Variants in KCNK2 observed in about 807,000 individuals in gnomAD.
KCNK2 encodes potassium two pore domain channel subfamily K member 2.
A neutral mutation model predicts 40.5 loss-of-function variants in KCNK2; 21 were observed. The observed-to-expected ratio is 0.52, with a 90% CI of 0.37 to 0.75. The LOEUF (loss-of-function observed/expected upper bound fraction) is 0.75, where lower values mean the gene tolerates loss of function less well. KCNK2 is among the 30% of genes least tolerant of loss of function. KCNK2 has a pLI of 0.00. For synonymous variants in KCNK2, 191 were observed against 202.2 expected (o/e 0.94, Z 0.47); for missense variants, 399 against 531.6 (o/e 0.75, Z 2.45).
intron 3 of KCNK2, among the ~76,000 whole-genome samples, chr1:215,161,302 G>A (rs559916721): frequency 1.2e-4 from 19 of 152,142 alleles, no homozygotes; most frequent in South Asian, 6.2e-4. Context: ...GCTGGATTAC[G>A]TTTTGATTTT....
intron 1 of KCNK2, among the ~76,000 whole-genome samples, chr1:215,018,168 A>G (rs1436774650): frequency 6.6e-6 from 1 of 152,230 alleles, no homozygotes; most frequent in Non-Finnish European, 1.5e-5. Context: ...AAAAATCATC[A>G]GACCTCCAGT....
intron 3 of KCNK2, among the ~76,000 whole-genome samples, chr1:215,162,657 A>G (rs994791166): frequency 1.2e-4 from 18 of 152,002 alleles, no homozygotes; most frequent in African/African-American, 3.6e-4. Flanking sequence ...AGTTTTCCCA[A>G]CACCATTTAT....
At chr1:215,064,022 A>G (rs1425737987) in intron 1 of KCNK2, among the ~76,000 whole-genome samples, 1 of 152,192 alleles carries the variant, frequency 6.6e-6, no homozygotes, top group Non-Finnish European at 1.5e-5. Flanking sequence ...AAACGTAGGA[A>G]AAGTACTGTG....
chr1:215,010,274 T>TAGC (rs2102469628), intron 1 of KCNK2, among the ~76,000 whole-genome samples: 1 of 152,332 alleles, frequency 6.6e-6, no homozygotes, highest in Non-Finnish European at 1.5e-5. Context: ...TTTATATGAG[T>TAGC]AGCTATGTAT....
intron 3 of KCNK2, among the ~76,000 whole-genome samples, chr1:215,154,856 T>C (rs955873310): frequency 3.3e-5 from 5 of 152,190 alleles, no homozygotes; most frequent in African/African-American, 1.2e-4. Context: ...CCATTTCTTT[T>C]ATTGTCAGAT....
intron 1 of KCNK2, among the ~76,000 whole-genome samples, chr1:215,070,275 A>G (rs74449041): frequency 0.011 from 1,690 of 151,724 alleles, 19 homozygotes; most frequent in Non-Finnish European, 0.015. Flanking sequence ...AATTAGCCGG[A>G]TGTGGTGGCG....
intron 1 of KCNK2, among the ~76,000 whole-genome samples, chr1:215,075,358 G>A (rs1465122899): frequency 2.6e-5 from 4 of 152,086 alleles, no homozygotes; most frequent in African/African-American, 9.7e-5. Flanking sequence ...TTATGGTAAA[G>A]TAACATTTAA....
chr1:215,007,556 C>A (rs1194092789), intron 1 of KCNK2, among the ~76,000 whole-genome samples: 3 of 151,950 alleles, frequency 2.0e-5, no homozygotes, highest in Non-Finnish European at 4.4e-5. Context: ...CTTGTGCCAG[C>A]TAACACTGTT....
intron 1 of KCNK2, among the ~76,000 whole-genome samples, chr1:215,062,411 G>A (rs1400141710): frequency 6.6e-6 from 1 of 151,974 alleles, no homozygotes; most frequent in South Asian, 2.1e-4. Flanking sequence ...GAATCCTATG[G>A]CTAGTACCAT....
intron 3 of KCNK2, among the ~76,000 whole-genome samples, chr1:215,148,687 G>A (rs1662550075): frequency 6.6e-6 from 1 of 152,180 alleles, no homozygotes; most frequent in African/African-American, 2.4e-5. Flanking sequence ...GACAAAGCCT[G>A]TAACCGAATG....
rs1239554549 is a variant in KCNK2, at chr1:215,235,028, C to G, written c.1164C>G (p.His388Gln). 1.2e-6 allele frequency: 2 copies of G among 1,613,850 alleles called. No homozygotes were observed. The highest frequency in any genetic ancestry group is 2.7e-5 in the African/African-American group (2 of 74,926). Reference protein sequence around the residue: ...TPCRRTLSVNHLTSERDVLPP... With the variant: ...TPCRRTLSVNQLTSERDVLPP... ...GTAGGAGGACCCTGTCAGTGAACCA[C>G]CTGACCAGCGAGAGGGATGTCTTGC... Residue 388 changes from histidine (H) to glutamine (Q), a missense_variant, in exon 7 of 7, where the codon CAC (histidine) becomes CAG (glutamine). This residue lies in a region of KCNK2 where 103 missense variants were observed against 124.3 expected (regional missense o/e 0.83). Coordinates refer to ENST00000444842, the MANE Select transcript of KCNK2 (RefSeq NM_001017425.3).
At chr1:215,110,761 G>C (rs968583309) in intron 2 of KCNK2, among the ~76,000 whole-genome samples, 37 of 151,750 alleles carry the variant, frequency 2.4e-4, no homozygotes, top group Non-Finnish European at 4.9e-4. Flanking sequence ...CCCCACACAT[G>C]CATAGCTTTC....
At chr1:215,161,449 T>C (rs1273764309) in intron 3 of KCNK2, among the ~76,000 whole-genome samples, 6 of 152,050 alleles carry the variant, frequency 3.9e-5, no homozygotes, top group Admixed American at 2.0e-4. Context: ...CTTTAAGCTC[T>C]GGGATACATG....
Position 215,124,725 on chromosome 1 carries a change from T to C in KCNK2, c.450T>C (p.Phe150=). The change falls in exon 3 of 7, where the codon TTT becomes TTC. Residue 150 remains phenylalanine (F), a synonymous_variant. Coordinates refer to ENST00000444842, the MANE Select transcript of KCNK2 (RefSeq NM_001017425.3). ...GGGATTTGGGAAGTTCCTTCTTCTT[T>C]GCTGGCACTGTTATTACAACCATAG... The part of the protein sequence containing the change: ...SHWDLGSSFF[F]AGTVITTIGF... 1 of 1,607,608 alleles carries C rather than the reference T, an allele frequency of 6.2e-7. No individual in the cohort carries two copies. Among genetic ancestry groups the C allele is most frequent in the East Asian group, 2.2e-5 (1 of 44,766 alleles).
chr1:215,007,113 GTATATATGTATA>G (rs1262804426), intron 1 of KCNK2, among the ~76,000 whole-genome samples: 1,993 of 118,966 alleles, frequency 0.017, 87 homozygotes, highest in African/African-American at 0.065. Context: ...ATATATGTGT[GTATATATGTATA>G]TATATGTGTA....
chr1:215,209,743 T>TA (rs34006988), intron 6 of KCNK2, among the ~76,000 whole-genome samples: 328 of 422 alleles, frequency 0.78, 124 homozygotes, highest in Middle Eastern at 1. Flanking sequence ...ATAATATATA[T>TA]AAATATATAT....
intron 5 of KCNK2, among the ~76,000 whole-genome samples, chr1:215,177,722 G>GTATATA (rs1553270861): frequency 1.9e-4 from 22 of 116,250 alleles, no homozygotes; most frequent in Middle Eastern, 5.0e-3. Flanking sequence ...ATATATATGT[G>GTATATA]TATATATATA....
intron 1 of KCNK2, among the ~76,000 whole-genome samples, chr1:215,039,747 T>G (rs972293322): frequency 2.0e-5 from 3 of 152,154 alleles, no homozygotes; most frequent in African/African-American, 7.2e-5. Flanking sequence ...TGTGGATAGT[T>G]CAGAACTTGG....
intron 1 of KCNK2, among the ~76,000 whole-genome samples, chr1:215,049,810 G>A (rs1488718321): frequency 3.3e-5 from 5 of 152,028 alleles, no homozygotes; most frequent in Non-Finnish European, 7.4e-5. Context: ...ATTAGTTGGG[G>A]CTATTTGTGT....
Sources: allele counts gnomAD v4.1 joint callset (sites outside exome capture counted in the v4.1 genomes callset), GRCh38; gene constraint gnomAD v4.1.1; regional missense constraint gnomAD v4.1.1; transcripts MANE v1.5; gene names NCBI Gene and HGNC (gene_info 2026-07-23, HGNC 2026-07-21).